Variants in STK24 observed in about 807,000 individuals in gnomAD.
The protein encoded by STK24 is serine/threonine kinase 24.
A neutral mutation model predicts 55.6 loss-of-function variants in STK24; 21 were observed. That is an observed-to-expected ratio of 0.38 (90% CI 0.27 to 0.54). The LOEUF (loss-of-function observed/expected upper bound fraction) is 0.54, where lower values mean the gene tolerates loss of function less well. Among genes scored for constraint, STK24 ranks in the 20% least tolerant of loss-of-function variants. The pLI is 0.79. For missense variants in STK24, 383 were observed against 538.4 expected (o/e 0.71, Z 2.86); for synonymous variants, 200 against 215.2 (o/e 0.93, Z 0.62).
intron 2 of STK24, among the ~76,000 whole-genome samples, chr13:98,516,085 T>A (rs369066250): frequency 2.6e-5 from 4 of 152,212 alleles, no homozygotes. Context: ...CTCAGGAGGG[T>A]CCCCTTCTGG....
intron 3 of STK24, among the ~76,000 whole-genome samples, chr13:98,477,652 G>A (rs944651235): frequency 6.0e-5 from 9 of 150,880 alleles, no homozygotes; most frequent in African/African-American, 2.0e-4. Context: ...TCCAGCCTGG[G>A]TGACAGAGCA....
chr13:98,491,375 C>T (rs1371679310), intron 2 of STK24, among the ~76,000 whole-genome samples: 1 of 152,168 alleles, frequency 6.6e-6, no homozygotes, highest in East Asian at 1.9e-4. Context: ...GCCCCAAATG[C>T]AGGAAGAAGT....
At chr13:98,502,333 A>G (rs1895503210) in intron 2 of STK24, among the ~76,000 whole-genome samples, 1 of 152,248 alleles carries the variant, frequency 6.6e-6, no homozygotes, top group South Asian at 2.1e-4. Context: ...ATGGGGCAGG[A>G]GGAAAAGACT....
intron 1 of STK24, among the ~76,000 whole-genome samples, chr13:98,551,847 T>G (rs756099046): frequency 7.2e-5 from 11 of 152,272 alleles, no homozygotes; most frequent in South Asian, 2.1e-4. Context: ...TAGCAGACAT[T>G]CAATAAATCT....
chr13:98,470,428 G>A (rs1413006906), intron 5 of STK24, among the ~76,000 whole-genome samples: 1 of 152,202 alleles, frequency 6.6e-6, no homozygotes, highest in Admixed American at 6.5e-5. Context: ...ACTGTGCCTG[G>A]CCTATGTCTG....
intron 5 of STK24, 88 bp from the exon 6 acceptor site, chr13:98,466,649 A>G (rs1893936586): frequency 2.1e-6 from 3 of 1,419,760 alleles, no homozygotes; most frequent in Middle Eastern, 1.9e-4. Context: ...ACATGTCTCA[A>G]TACTTCTGAG....
At chr13:98,506,323 C>T (rs140358277) in intron 2 of STK24, among the ~76,000 whole-genome samples, 5 of 152,344 alleles carry the variant, frequency 3.3e-5, no homozygotes, top group Non-Finnish European at 1.5e-5. Flanking sequence ...AGGAAGGATA[C>T]AGCTTTTCAG....
At chr13:98,576,709 T>G (rs2139479033) in intron 1 of STK24, 36 bp downstream of exon 1, 2 of 1,451,712 alleles carry the variant, frequency 1.4e-6, no homozygotes, top group Non-Finnish European at 1.8e-6. Flanking sequence ...TCCGCCCCGG[T>G]CGCGCATCCC....
chr13:98,574,005 ATTTT>A (rs1322819805), intron 1 of STK24, among the ~76,000 whole-genome samples: 1 of 146,948 alleles, frequency 6.8e-6, no homozygotes, highest in Non-Finnish European at 1.5e-5. Context: ...ACTCTGCTTT[ATTTT>A]TTTATTTTAT....
At position 98,446,220 on chromosome 13, in the gene STK24, C is replaced by T; in HGVS notation, c.*6953G>A. 3 of 1,564,714 alleles carry T rather than the reference C, an allele frequency of 1.9e-6. No individual in the cohort carries two copies. Among genetic ancestry groups the T allele is most frequent in the East Asian group, 2.2e-5 (1 of 44,624 alleles). On this transcript the variant is annotated 3_prime_UTR_variant, in exon 11 of 11. Coordinates refer to ENST00000539966, the MANE Select transcript of STK24 (RefSeq NM_001032296.4). ...AATCACACCAGGTAAGTGTCTCGCA[C>T]AGGGCAGGTGGCCCTGGGACCTTGG...
At chr13:98,460,967 G>A (rs1893678447) in intron 8 of STK24, among the ~76,000 whole-genome samples, 2 of 151,730 alleles carry the variant, frequency 1.3e-5, no homozygotes, top group South Asian at 4.2e-4. Flanking sequence ...AGGATCACTT[G>A]AGCCCAGGAG....
chr13:98,519,596 T>C, intron 1 of STK24, 123 bp from the exon 2 acceptor site: 1 of 794,920 alleles, frequency 1.3e-6, no homozygotes, highest in East Asian at 2.5e-5. Flanking sequence ...ATTTTCTGTG[T>C]CCAGCATCAG....
At chr13:98,474,749 C>A in intron 5 of STK24, 72 bp downstream of exon 5, 1 of 1,513,638 alleles carries the variant, frequency 6.6e-7, no homozygotes, top group Non-Finnish European at 8.8e-7. Flanking sequence ...GAAAAGCTAC[C>A]AGGCTAAAGA....
At chr13:98,483,333 G>T (rs979554789) in intron 2 of STK24, among the ~76,000 whole-genome samples, 41 of 152,306 alleles carry the variant, frequency 2.7e-4, no homozygotes, top group African/African-American at 9.6e-4. Flanking sequence ...GGTTCACGGG[G>T]TTCAGACGTC....
chr13:98,565,719 C>T (rs1371941577), intron 1 of STK24, among the ~76,000 whole-genome samples: 1 of 152,030 alleles, frequency 6.6e-6, no homozygotes, highest in East Asian at 1.9e-4. Flanking sequence ...CTGGGCAACA[C>T]CTGAAAGGCA....
Position 98,457,230 on chromosome 13 carries a change from C to T in STK24, c.1197G>A (p.Ala399=), listed in dbSNP as rs142980099. 282 of 1,613,342 alleles carry T rather than the reference C, an allele frequency of 1.7e-4. No homozygotes were observed. In the East Asian group the frequency reaches 4.1e-3, roughly 24 times the overall value. ...IEELRGAIYL[A]EEACPGISDT... is the part of the protein sequence containing the mutation. ...CGGAGATGCCAGGGCACGCCTCCTC[C>T]GCTAGGTAGATGGCCCCTCGCAGCT... is the stretch of plus-strand genomic sequence containing the variant. The change falls in exon 10 of 11, where the codon GCG becomes GCA. Residue 399 remains alanine, a synonymous_variant. Transcript: ENST00000539966.
At chr13:98,487,982 T>C (rs904451870) in intron 2 of STK24, among the ~76,000 whole-genome samples, 1 of 152,108 alleles carries the variant, frequency 6.6e-6, no homozygotes, top group African/African-American at 2.4e-5. Context: ...ATTATTATTT[T>C]TTGGTCATTT....
intron 5 of STK24, among the ~76,000 whole-genome samples, chr13:98,471,193 G>C (rs1732783616): frequency 6.6e-6 from 1 of 152,174 alleles, no homozygotes; most frequent in Admixed American, 6.5e-5. Context: ...GGAAGGGCTG[G>C]TACGCAGTGC....
At chr13:98,524,330 G>A (rs1434905974) in intron 1 of STK24, among the ~76,000 whole-genome samples, 1 of 151,972 alleles carries the variant, frequency 6.6e-6, no homozygotes, top group African/African-American at 2.4e-5. Context: ...CCTCTCCAAG[G>A]TCAAGCCTCA....
Sources: allele counts gnomAD v4.1 joint callset (sites outside exome capture counted in the v4.1 genomes callset), GRCh38; gene constraint gnomAD v4.1.1; transcripts MANE v1.5; gene names NCBI Gene and HGNC (gene_info 2026-07-23, HGNC 2026-07-21).